EIF3H: variants seen among roughly 807,000 people sequenced by gnomAD.
EIF3H encodes eukaryotic translation initiation factor 3 subunit H.
Under a neutral mutation model 44.2 loss-of-function variants are expected in EIF3H, and 26 were observed. The observed-to-expected ratio is 0.59, with a 90% confidence interval of 0.43 to 0.82. The LOEUF (loss-of-function observed/expected upper bound fraction) is 0.82, where lower values mean the gene tolerates loss of function less well. EIF3H is among the 40% of genes least tolerant of loss of function. The probability of loss-of-function intolerance (pLI) is 0.00; values close to 1 mark genes in which losing one functional copy is unlikely to be tolerated. For synonymous variants in EIF3H, 166 were observed against 151.9 expected (o/e 1.09, Z -0.68); for missense variants, 359 against 432.8 (o/e 0.83, Z 1.51).
chr8:116,718,974 A>C (rs1814698738), intron 2 of EIF3H, among the ~76,000 whole-genome samples: 1 of 152,136 alleles, frequency 6.6e-6, no homozygotes, highest in South Asian at 2.1e-4. Context: ...TAATTGTGAT[A>C]AAAACACAAA....
At chr8:116,751,496 G>A (rs1815343611) in intron 1 of EIF3H, among the ~76,000 whole-genome samples, 1 of 152,104 alleles carries the variant, frequency 6.6e-6, no homozygotes, top group Non-Finnish European at 1.5e-5. Context: ...TACAGGCTGT[G>A]GAAAATTCTA....
intron 1 of EIF3H, among the ~76,000 whole-genome samples, chr8:116,730,831 T>C (rs1489379209): frequency 3.3e-5 from 5 of 152,236 alleles, no homozygotes; most frequent in Non-Finnish European, 7.3e-5. Context: ...ACTTATGATA[T>C]GTCAAGCACT....
rs2130794901 is a variant in EIF3H at position 116,658,982 on chromosome 8, T to TTCATCAAAGTCA, written c.290-3_290-2insTGACTTTGATGA. The TTCATCAAAGTCA allele has an allele frequency of 6.3e-7, 1 of 1,590,874 alleles. No homozygotes were observed. On this transcript the variant is annotated splice_region_variant and splice_polypyrimidine_tract_variant and intron_variant, in intron 2 of 7. Coordinates refer to ENST00000521861, the MANE Select transcript of EIF3H (RefSeq NM_003756.3). ...GCATCATTTCCATCTGATATTGGACTGGATGATGGGGAAGAGGAAATTAAA... is the reference window on the plus strand; with the variant it reads ...GCATCATTTCCATCTGATATTGGACTTCATCAAAGTCAGGATGATGGGGAAGAGGAAATTAAA...
intron 7 of EIF3H, among the ~76,000 whole-genome samples, 179 bp from the exon 8 acceptor site, chr8:116,645,282 C>T (rs1267625455): frequency 6.6e-6 from 1 of 152,172 alleles, no homozygotes; most frequent in South Asian, 2.1e-4. Context: ...AAGCTACTGT[C>T]CACTCTCAAT....
chr8:116,745,159 T>C (rs1170973344), intron 1 of EIF3H, among the ~76,000 whole-genome samples: 1 of 152,268 alleles, frequency 6.6e-6, no homozygotes, highest in Non-Finnish European at 1.5e-5. Flanking sequence ...ATTAACCATA[T>C]AAATCCAGGC....
intron 2 of EIF3H, among the ~76,000 whole-genome samples, chr8:116,690,213 G>A (rs1369051965): frequency 6.6e-6 from 1 of 152,098 alleles, no homozygotes; most frequent in South Asian, 2.1e-4. Context: ...ACAAACCTCT[G>A]ATGGACCACA....
At chr8:116,730,479 C>G (rs545457171) in intron 1 of EIF3H, among the ~76,000 whole-genome samples, 2 of 152,142 alleles carry the variant, frequency 1.3e-5, no homozygotes, top group Admixed American at 6.5e-5. Context: ...CTGTCTTTCA[C>G]GAAACCAGTC....
chr8:116,648,357 T>C (rs1164834957), intron 6 of EIF3H, among the ~76,000 whole-genome samples: 3 of 152,256 alleles, frequency 2.0e-5, no homozygotes, highest in Admixed American at 6.5e-5. Flanking sequence ...GTCTGTATTA[T>C]ACTATCTACT....
intron 2 of EIF3H, among the ~76,000 whole-genome samples, chr8:116,660,063 TG>T (rs1813560205): frequency 6.6e-6 from 1 of 152,050 alleles, no homozygotes; most frequent in South Asian, 2.1e-4. Context: ...ATTTTTGTAT[TG>T]TTTTTTTGTA....
rs1031769892 is a variant in EIF3H at position 116,697,299 on chromosome 8, A to G, written c.289+28717T>C. ...TTTTAGGGGTTTTCTTAAAGTGTAA[A>G]AAGAAAAAAATTGCATGCCTGCTTG... is the stretch of plus-strand genomic sequence containing the variant. On this transcript the variant is annotated intron_variant, in intron 2 of 7. Transcript: ENST00000521861. The G allele has an allele frequency of 3.6e-5, 15 of 418,810 alleles. No homozygotes were observed. The Middle Eastern group carries it at 1.4e-3, about 39-fold the overall frequency. The allele number at this position is 418,810 out of a possible 1,614,324, so 25.9% of individuals were successfully genotyped here. A position where few individuals can be genotyped will look rare whatever the true frequency, so the allele number is the denominator to read the frequency against.
At chr8:116,727,438 C>T (rs1814864297) in intron 1 of EIF3H, among the ~76,000 whole-genome samples, 1 of 152,220 alleles carries the variant, frequency 6.6e-6, no homozygotes, top group Non-Finnish European at 1.5e-5. Context: ...AGTCCAGCCT[C>T]TGATGACGCC....
intron 2 of EIF3H, among the ~76,000 whole-genome samples, chr8:116,704,658 A>C (rs1461142519): frequency 1.3e-5 from 2 of 152,240 alleles, no homozygotes; most frequent in Non-Finnish European, 2.9e-5. Flanking sequence ...CAATAATCAG[A>C]TAAACGTTGA....
chr8:116,642,366 C>A lies in EIF3H; in HGVS notation c.*2640G>T, dbSNP rs572389234. The A allele has an allele frequency of 5.3e-5, 8 of 152,180 alleles. No homozygotes were observed. In the South Asian group the frequency reaches 1.5e-3, roughly 28 times the overall value. 9.4% of individuals were successfully genotyped at this position (152,180 alleles called of 1,614,324 possible). A position where few individuals can be genotyped will look rare whatever the true frequency, so the allele number is the denominator to read the frequency against. On this transcript the variant is annotated 3_prime_UTR_variant, in exon 8 of 8. Coordinates refer to ENST00000521861, the MANE Select transcript of EIF3H (RefSeq NM_003756.3). Reference sequence around the variant, plus strand: ...TATATGAGAAATCACACCAAGCTCTCTTAATTAGGTTAACATTAGACAACT... The same window carrying A: ...TATATGAGAAATCACACCAAGCTCTATTAATTAGGTTAACATTAGACAACT...
At chr8:116,701,606 T>A (rs949385894) in intron 2 of EIF3H, among the ~76,000 whole-genome samples, 1 of 152,120 alleles carries the variant, frequency 6.6e-6, no homozygotes, top group Non-Finnish European at 1.5e-5. Flanking sequence ...TTAAGACATG[T>A]TGAGATGATG....
intron 1 of EIF3H, among the ~76,000 whole-genome samples, chr8:116,733,200 T>G (rs1469247701): frequency 6.6e-6 from 1 of 152,182 alleles, no homozygotes; most frequent in African/African-American, 2.4e-5. Flanking sequence ...GATGAAGAGA[T>G]GCACAGGAGA....
chr8:116,762,439 G>A (rs1815526758), intron 1 of EIF3H, among the ~76,000 whole-genome samples: 1 of 152,166 alleles, frequency 6.6e-6, no homozygotes, highest in Non-Finnish European at 1.5e-5. Context: ...TTACCTCATG[G>A]TCTAAAATCG....
rs760440422 is a variant in EIF3H at position 116,755,778 on chromosome 8, C to G, written c.20G>C (p.Gly7Ala). 4 of 1,613,948 alleles carry G rather than the reference C, an allele frequency of 2.5e-6. No homozygotes were observed. Among genetic ancestry groups the G allele is most frequent in the Non-Finnish European group, 2.5e-6 (3 of 1,180,026 alleles). Residue 7 changes from glycine to alanine, a missense_variant, in exon 1 of 8, where the codon GGT becomes GCT. Gly to Ala is a moderately conservative substitution (Grantham distance 60). Coordinates refer to ENST00000521861, the MANE Select transcript of EIF3H (RefSeq NM_003756.3). MASRKE[G>A]TGSTATSSSS... ...GGAAGAGGTGGCAGTAGAGCCGGTA[C>G]CTTCCTTGCGGGACGCCATCTTTCC...
chr8:116,720,651 T>C (rs1239482441), intron 2 of EIF3H, among the ~76,000 whole-genome samples: 2 of 152,158 alleles, frequency 1.3e-5, no homozygotes, highest in African/African-American at 4.8e-5. Context: ...AGAAAAACTG[T>C]AGGAAAGTTT....
intron 2 of EIF3H, among the ~76,000 whole-genome samples, chr8:116,703,297 C>A (rs1300628972): frequency 1.2e-4 from 19 of 152,130 alleles, no homozygotes; most frequent in Admixed American, 1.2e-3. Flanking sequence ...AGAGGGCTCC[C>A]TGGTCTAGTG....
Sources: allele counts gnomAD v4.1 joint callset (sites outside exome capture counted in the v4.1 genomes callset), GRCh38; gene constraint gnomAD v4.1.1; transcripts MANE v1.5; gene names NCBI Gene and HGNC (gene_info 2026-07-23, HGNC 2026-07-21).